MYRIP: variants seen among roughly 807,000 people sequenced by gnomAD.
The protein encoded by MYRIP is myosin VIIA and Rab interacting protein.
A neutral mutation model predicts 98.0 loss-of-function variants in MYRIP; 49 were observed. The observed-to-expected ratio is 0.50, with a 90% CI of 0.40 to 0.63. MYRIP has a LOEUF of 0.63. Among genes scored for constraint, MYRIP ranks in the 30% least tolerant of loss-of-function variants. The pLI is 0.00. For missense variants in MYRIP, 1,004 were observed against 1,058.2 expected (o/e 0.95, Z 0.71); for synonymous variants, 404 against 409.5 (o/e 0.99, Z 0.16).
At chr3:40,151,418 A>T (rs1950117175) in intron 4 of MYRIP, among the ~76,000 whole-genome samples, 1 of 152,236 alleles carries the variant, frequency 6.6e-6, no homozygotes, top group Non-Finnish European at 1.5e-5. Context: ...GAAGCTATGA[A>T]GACCAAGTAC....
intron 1 of MYRIP, among the ~76,000 whole-genome samples, chr3:39,885,865 T>C (rs1943285739): frequency 6.6e-6 from 1 of 152,086 alleles, no homozygotes; most frequent in African/African-American, 2.4e-5. Context: ...TTTAAGCACT[T>C]CTCTGTGTTG....
At chr3:39,858,633 T>C (rs185080821) in intron 1 of MYRIP, among the ~76,000 whole-genome samples, 19 of 138,140 alleles carry the variant, frequency 1.4e-4, no homozygotes, top group Non-Finnish European at 2.6e-4. Flanking sequence ...ATAGATTATA[T>C]GTTAGGCCAC....
At chr3:39,978,308 C>T (rs1945804774) in intron 2 of MYRIP, among the ~76,000 whole-genome samples, 2 of 152,124 alleles carry the variant, frequency 1.3e-5, no homozygotes, top group Admixed American at 1.3e-4. Context: ...TTTTATTTTG[C>T]CTGGATAAGG....
intron 3 of MYRIP, among the ~76,000 whole-genome samples, chr3:40,107,302 G>A (rs772635618): frequency 1.7e-4 from 26 of 152,272 alleles, no homozygotes; most frequent in Non-Finnish European, 3.4e-4. Flanking sequence ...CTCCAGCTTG[G>A]TTTAATGCTC....
At chr3:39,951,665 C>T (rs1285203259) in intron 2 of MYRIP, among the ~76,000 whole-genome samples, 1 of 151,054 alleles carries the variant, frequency 6.6e-6, no homozygotes, top group Non-Finnish European at 1.5e-5. Flanking sequence ...GTTTTTTTTC[C>T]AACCATTAAA....
At chr3:40,055,722 G>T (rs369608583) in intron 3 of MYRIP, among the ~76,000 whole-genome samples, 2 of 152,000 alleles carry the variant, frequency 1.3e-5, no homozygotes, top group Non-Finnish European at 2.9e-5. Context: ...ATATGTTTTG[G>T]TTGAGGAGTT....
At chr3:39,991,642 C>T (rs1008013837) in intron 2 of MYRIP, among the ~76,000 whole-genome samples, 7 of 152,212 alleles carry the variant, frequency 4.6e-5, no homozygotes, top group African/African-American at 1.4e-4. Flanking sequence ...GGTGTTCCCT[C>T]TTCCTGCTAT....
chr3:39,995,133 C>A (rs1440297120), intron 2 of MYRIP, among the ~76,000 whole-genome samples: 1 of 152,190 alleles, frequency 6.6e-6, no homozygotes, highest in Non-Finnish European at 1.5e-5. Flanking sequence ...CAGAGTGCCT[C>A]TCCTCCTCCA....
At chr3:40,109,706 G>A (rs1367492052) in intron 3 of MYRIP, among the ~76,000 whole-genome samples, 1 of 152,204 alleles carries the variant, frequency 6.6e-6, no homozygotes, top group Non-Finnish European at 1.5e-5. Flanking sequence ...CTACTGCTAA[G>A]CCAGATCACC....
intron 2 of MYRIP, among the ~76,000 whole-genome samples, chr3:39,945,888 T>C (rs1286685127): frequency 6.6e-6 from 1 of 152,108 alleles, no homozygotes; most frequent in Non-Finnish European, 1.5e-5. Flanking sequence ...TATGATTCTT[T>C]ATTTGGTAGG....
chr3:40,123,281 T>C (rs1207895970), intron 3 of MYRIP, among the ~76,000 whole-genome samples: 1 of 152,212 alleles, frequency 6.6e-6, no homozygotes, highest in African/African-American at 2.4e-5. Flanking sequence ...ACAATATCAG[T>C]CACCCTGGCA....
In MYRIP at chr3:40,166,885, TG is replaced by T. The variant is rs764573113; in HGVS notation, c.592del (p.Ala198LeufsTer35). On this transcript the variant is annotated frameshift_variant, in exon 6 of 17. Coordinates refer to ENST00000302541, the MANE Select transcript of MYRIP (RefSeq NM_015460.4). LOFTEE classifies it high-confidence loss of function. ...GACACCTTGGCTGTGGCCCTACGGGTGGCTGAAGAGGCCATTGAGGAAGCAA... is the reference window on the plus strand; with the variant it reads ...GACACCTTGGCTGTGGCCCTACGGGTGCTGAAGAGGCCATTGAGGAAGCAA... ...VMDTLAVALR[V>X]AEEAIEEAIS... The T allele has an allele frequency of 6.2e-7, 1 of 1,614,008 alleles. No individual in the cohort carries two copies. Among genetic ancestry groups the T allele is most frequent in the Non-Finnish European group, 8.5e-7 (1 of 1,179,982 alleles).
intron 1 of MYRIP, among the ~76,000 whole-genome samples, chr3:39,892,939 C>T (rs2125661627): frequency 6.6e-6 from 1 of 152,272 alleles, no homozygotes; most frequent in South Asian, 2.1e-4. Context: ...TGTCACCTGG[C>T]AAAACTTTAA....
chr3:39,996,014 C>A (rs1378896975), intron 2 of MYRIP, among the ~76,000 whole-genome samples: 8 of 152,168 alleles, frequency 5.3e-5, no homozygotes, highest in South Asian at 2.1e-4. Flanking sequence ...GCCTGCCATA[C>A]AAGAGCTCCT....
At chr3:40,151,810 G>C (rs758869616) in intron 4 of MYRIP, among the ~76,000 whole-genome samples, 1 of 152,184 alleles carries the variant, frequency 6.6e-6, no homozygotes, top group Admixed American at 6.5e-5. Flanking sequence ...TTCCAAAAAG[G>C]CTGTTTCTTT....
At chr3:39,896,804 CT>C (rs1277142686) in intron 1 of MYRIP, among the ~76,000 whole-genome samples, 3 of 151,914 alleles carry the variant, frequency 2.0e-5, no homozygotes, top group Non-Finnish European at 4.4e-5. Context: ...ACACATTGAC[CT>C]TTTATAATGA....
intron 2 of MYRIP, among the ~76,000 whole-genome samples, chr3:40,011,933 T>TG (rs1185408147): frequency 6.6e-6 from 1 of 152,212 alleles, no homozygotes; most frequent in African/African-American, 2.4e-5. Context: ...AGATATAAAA[T>TG]GGTGTTTTAG....
At chr3:39,877,212 T>A (rs1186204789) in intron 1 of MYRIP, among the ~76,000 whole-genome samples, 2 of 152,232 alleles carry the variant, frequency 1.3e-5, no homozygotes, top group Non-Finnish European at 2.9e-5. Context: ...TAAGCACTTC[T>A]CTGTATTGGT....
At chr3:40,006,937 T>C (rs1559558257) in intron 2 of MYRIP, among the ~76,000 whole-genome samples, 1 of 152,222 alleles carries the variant, frequency 6.6e-6, no homozygotes, top group African/African-American at 2.4e-5. Flanking sequence ...CATGGGACCA[T>C]AGTCTTGAGC....
Sources: allele counts gnomAD v4.1 joint callset (sites outside exome capture counted in the v4.1 genomes callset), GRCh38; gene constraint gnomAD v4.1.1; transcripts MANE v1.5; gene names NCBI Gene and HGNC (gene_info 2026-07-23, HGNC 2026-07-21).